The following PARN variants were observed in gnomAD, a reference collection of about 807,000 sequenced individuals.
The protein encoded by PARN is poly(A)-specific ribonuclease PARN.
In PARN, 71 loss-of-function variants were observed where a neutral mutation model predicts 102.8. The ratio of observed to expected loss-of-function variants is 0.69; its 90% CI spans 0.57 to 0.84. PARN has a LOEUF of 0.84. Ranked by LOEUF, PARN falls within the 40% of genes least tolerant of loss-of-function variation. The pLI is 0.00. For missense variants in PARN, 782 were observed against 760.9 expected, an observed-to-expected ratio of 1.03 and a Z score of -0.33; for synonymous variants, 261 against 252.9, an observed-to-expected ratio of 1.03 and a Z score of -0.30.
chr16:14,579,259 T>C (rs1016682610), intron 18 of PARN, among the ~76,000 whole-genome samples: 37 of 152,250 alleles, frequency 2.4e-4, no homozygotes, highest in African/African-American at 8.9e-4. Context: ...TAAGCCACTA[T>C]ACCCAGCCCA....
intron 21 of PARN, among the ~76,000 whole-genome samples, chr16:14,504,605 T>C (rs1434330770): frequency 1.3e-5 from 2 of 151,864 alleles, no homozygotes; most frequent in African/African-American, 4.8e-5. Flanking sequence ...AGGGAGAAAG[T>C]AGGGAGAGGG....
At chr16:14,471,493 C>T (rs1038410645) in intron 22 of PARN, among the ~76,000 whole-genome samples, 2 of 152,128 alleles carry the variant, frequency 1.3e-5, no homozygotes, top group African/African-American at 4.8e-5. Context: ...AAATAGTATT[C>T]CAAGTTGTCT....
chr16:14,458,987 A>G (rs1044621788), intron 22 of PARN, among the ~76,000 whole-genome samples: 4 of 152,162 alleles, frequency 2.6e-5, no homozygotes, highest in Non-Finnish European at 4.4e-5. Flanking sequence ...AGAGCACAGC[A>G]GTTAGGTTTG....
chr16:14,475,346 G>A (rs1004460417), intron 22 of PARN, among the ~76,000 whole-genome samples: 11 of 151,180 alleles, frequency 7.3e-5, no homozygotes, highest in Non-Finnish European at 3.0e-5. Context: ...CTATTAGTGA[G>A]ATCTTACATG....
chr16:14,493,707 G>C (rs892864922), intron 21 of PARN, among the ~76,000 whole-genome samples: 1 of 152,186 alleles, frequency 6.6e-6, no homozygotes, highest in African/African-American at 2.4e-5. Context: ...CAGCAAAGGC[G>C]ACAATAAATA....
intron 9 of PARN, among the ~76,000 whole-genome samples, chr16:14,607,500 G>A (rs1208919324): frequency 1.3e-5 from 2 of 152,146 alleles, no homozygotes; most frequent in Non-Finnish European, 2.9e-5. Flanking sequence ...GAGCCACCGC[G>A]CCCGGCCTGA....
At position 14,629,803 on chromosome 16, in the gene PARN, G is replaced by A. The variant is rs571462568; in HGVS notation, c.20-129C>T. The A allele has an allele frequency of 1.0e-4, 76 of 748,298 alleles. 1 individual carries two copies. Among genetic ancestry groups the A allele is most frequent in the South Asian group, 8.6e-4 (55 of 63,968 alleles). The allele number at this position is 748,298 out of a possible 1,614,324, so 46.4% of individuals were successfully genotyped here. ...GAAAAGTCCCGGAGGTGTGCACCGG[G>A]GCGAGGGGAATCAAGTCCTCGAGGG... On this transcript the variant is annotated intron_variant, in intron 1 of 23. Coordinates refer to ENST00000437198, the MANE Select transcript of PARN (RefSeq NM_002582.4).
chr16:14,488,801 G>A (rs1324599571), intron 21 of PARN, among the ~76,000 whole-genome samples: 2 of 151,888 alleles, frequency 1.3e-5, no homozygotes, highest in East Asian at 1.9e-4. Flanking sequence ...CTCACTTAAA[G>A]ATGATCATTC....
intron 21 of PARN, among the ~76,000 whole-genome samples, chr16:14,487,178 AC>A (rs2151604536): frequency 6.6e-6 from 1 of 152,362 alleles, no homozygotes; most frequent in African/African-American, 2.4e-5. Context: ...TGTTCTAGTC[AC>A]CACACAAATA....
intron 16 of PARN, 121 bp from the exon 17 acceptor site, chr16:14,582,412 C>A: frequency 4.4e-6 from 3 of 682,734 alleles, no homozygotes; most frequent in Middle Eastern, 7.7e-4. Context: ...AAAAAGCTAT[C>A]TATTCCTTAA....
chr16:14,470,719 AAAGGG>A (rs1962686831), intron 22 of PARN, among the ~76,000 whole-genome samples: 1 of 152,140 alleles, frequency 6.6e-6, no homozygotes, highest in South Asian at 2.1e-4. Flanking sequence ...TCAGCATTCC[AAAGGG>A]CTGGGATTAT....
chr16:14,469,708 CAAAA>C (rs113317045), intron 22 of PARN, among the ~76,000 whole-genome samples: 1 of 135,372 alleles, frequency 7.4e-6, no homozygotes, highest in Admixed American at 7.4e-5. Flanking sequence ...CATAAAGTGT[CAAAA>C]AAAAAAAAAA....
At chr16:14,462,991 C>A (rs943491406) in intron 22 of PARN, among the ~76,000 whole-genome samples, 1 of 152,156 alleles carries the variant, frequency 6.6e-6, no homozygotes, top group African/African-American at 2.4e-5. Flanking sequence ...ACAGGAATTC[C>A]TCGATGATTC....
intron 5 of PARN, among the ~76,000 whole-genome samples, chr16:14,624,619 T>TTG (rs1972525408): frequency 6.6e-6 from 1 of 152,228 alleles, no homozygotes; most frequent in East Asian, 1.9e-4. Flanking sequence ...TCTTGGTTGT[T>TTG]TAGAACAGAG....
intron 21 of PARN, among the ~76,000 whole-genome samples, chr16:14,485,797 C>T (rs1445729166): frequency 6.6e-6 from 1 of 152,138 alleles, no homozygotes; most frequent in Non-Finnish European, 1.5e-5. Context: ...AAGTGATTCT[C>T]GTGCCTCAGC....
At chr16:14,560,935 C>T (rs968487611) in intron 18 of PARN, among the ~76,000 whole-genome samples, 1 of 152,200 alleles carries the variant, frequency 6.6e-6, no homozygotes, top group Non-Finnish European at 1.5e-5. Context: ...GCAGGTAGAT[C>T]ACCTGAGGTC....
chr16:14,480,419 G>A (rs949925932), intron 22 of PARN, among the ~76,000 whole-genome samples: 2 of 152,106 alleles, frequency 1.3e-5, no homozygotes, highest in African/African-American at 2.4e-5. Flanking sequence ...AAAAATACAC[G>A]TGCAGCAAAA....
intron 23 of PARN, among the ~76,000 whole-genome samples, chr16:14,438,944 G>A (rs1430870904): frequency 6.6e-6 from 1 of 152,126 alleles, no homozygotes; most frequent in Non-Finnish European, 1.5e-5. Flanking sequence ...ATCAACAAAC[G>A]GCCAGTCTCA....
intron 21 of PARN, among the ~76,000 whole-genome samples, chr16:14,516,046 C>T (rs1965440397): frequency 6.6e-6 from 1 of 151,524 alleles, no homozygotes; most frequent in African/African-American, 2.4e-5. Context: ...AACATTAACA[C>T]TCAAAAAAAA....
Sources: gnomAD v4.1 joint callset for allele counts (sites outside exome capture counted in the v4.1 genomes callset) on GRCh38, gnomAD v4.1.1 for gene constraint, MANE v1.5 for transcripts, NCBI Gene and HGNC (gene_info 2026-07-23, HGNC 2026-07-21) for gene names.